The following CCDC91 variants were observed in gnomAD, a reference collection of about 807,000 sequenced individuals.
CCDC91 encodes coiled-coil domain containing 91.
In CCDC91, 48 loss-of-function variants were observed where a neutral mutation model predicts 63.2. That is an observed-to-expected ratio of 0.76 (90% CI 0.60 to 0.97). The LOEUF (loss-of-function observed/expected upper bound fraction) is 0.97, where lower values mean the gene tolerates loss of function less well. CCDC91 is among the 50% of genes least tolerant of loss of function. CCDC91 has a pLI of 0.00. For missense variants in CCDC91, 500 were observed against 494.6 expected, an observed-to-expected ratio of 1.01 and a Z score of -0.10; for synonymous variants, 167 against 165.8, an observed-to-expected ratio of 1.01 and a Z score of -0.06.
At chr12:28,486,593 ATG>A (rs909433670) in intron 12 of CCDC91, among the ~76,000 whole-genome samples, 1 of 152,122 alleles carries the variant, frequency 6.6e-6, no homozygotes, top group Non-Finnish European at 1.5e-5. Flanking sequence ...AAAGGGAGTT[ATG>A]TGGCTACCAT....
chr12:28,254,018 T>A (rs1179723450), intron 1 of CCDC91, among the ~76,000 whole-genome samples: 1 of 152,248 alleles, frequency 6.6e-6, no homozygotes, highest in Non-Finnish European at 1.5e-5. Context: ...CCTTAACTGA[T>A]ACAGAATTGC....
intron 12 of CCDC91, among the ~76,000 whole-genome samples, chr12:28,539,147 A>G (rs1259185175): frequency 4.6e-5 from 7 of 152,094 alleles, no homozygotes; most frequent in Non-Finnish European, 7.4e-5. Flanking sequence ...TTTTGTTGCC[A>G]TTGCTTTTGG....
At chr12:28,444,083 A>C (rs1460744047) in intron 8 of CCDC91, among the ~76,000 whole-genome samples, 5 of 152,136 alleles carry the variant, frequency 3.3e-5, no homozygotes, top group Non-Finnish European at 5.9e-5. Context: ...TTATTTAACA[A>C]ACTGAATGAT....
intron 8 of CCDC91, among the ~76,000 whole-genome samples, chr12:28,422,058 G>A (rs1335244212): frequency 2.6e-5 from 4 of 151,992 alleles, no homozygotes; most frequent in East Asian, 1.9e-4. Flanking sequence ...TCTTTGAAAC[G>A]GTGGAAACCT....
intron 8 of CCDC91, among the ~76,000 whole-genome samples, chr12:28,442,692 G>A (rs1345315388): frequency 6.6e-6 from 1 of 152,094 alleles, no homozygotes; most frequent in African/African-American, 2.4e-5. Context: ...ATAAACTCTT[G>A]AGTGAGTATT....
intron 3 of CCDC91, among the ~76,000 whole-genome samples, chr12:28,273,001 C>CCCT (rs1947892050): frequency 7.0e-6 from 1 of 142,040 alleles, no homozygotes; most frequent in African/African-American, 2.6e-5. Context: ...CCCCCCACCC[C>CCCT]ACAACAGGCC....
At chr12:28,386,872 G>A (rs527307634) in intron 7 of CCDC91, among the ~76,000 whole-genome samples, 47 of 152,256 alleles carry the variant, frequency 3.1e-4, no homozygotes, top group African/African-American at 1.1e-3. Context: ...TATACTGTGA[G>A]AGTCTTAATG....
rs1288129424 is a variant in CCDC91 at position 28,533,482 on chromosome 12, G to A, written c.1216-15581G>A. Among the ~76,000 whole-genome samples, 3 of 151,760 alleles carry A rather than the reference G, an allele frequency of 2.0e-5. No individual in the cohort carries two copies. In the East Asian group the frequency reaches 5.8e-4, roughly 29 times the overall value. On this transcript the variant is annotated intron_variant, in intron 12 of 12. Coordinates refer to ENST00000536442, the MANE Select transcript of CCDC91 (RefSeq NM_018318.5). Reference sequence around the variant, plus strand: ...ACTAACTTTTGTGGTTTTGACTATCGAGTAATTAATGATTAAGTAATTTTG... The same window carrying A: ...ACTAACTTTTGTGGTTTTGACTATCAAGTAATTAATGATTAAGTAATTTTG...
At chr12:28,419,441 G>A (rs1284830613) in intron 8 of CCDC91, among the ~76,000 whole-genome samples, 1 of 151,932 alleles carries the variant, frequency 6.6e-6, no homozygotes, top group African/African-American at 2.4e-5. Flanking sequence ...TTACTTATAA[G>A]AGTCATAAAA....
At chr12:28,267,722 T>TA (rs1264615379) in intron 3 of CCDC91, among the ~76,000 whole-genome samples, 3 of 63,832 alleles carry the variant, frequency 4.7e-5, no homozygotes, top group Non-Finnish European at 5.9e-5. Flanking sequence ...TAATTATATA[T>TA]ATTATTTATT....
intron 3 of CCDC91, among the ~76,000 whole-genome samples, chr12:28,265,494 T>G (rs544203932): frequency 8.5e-5 from 13 of 152,140 alleles, no homozygotes; most frequent in African/African-American, 3.1e-4. Flanking sequence ...TCTCAAGACA[T>G]TGGCAGAGAG....
In CCDC91 at chr12:28,376,400, T is replaced by C. The variant is rs529075486; in HGVS notation, c.654+13885T>C. ...ACCAAATGAGTGTATGATGGACTGC[T>C]GTTTTTAATACTTAAGAAAAAAGTG... On this transcript the variant is annotated intron_variant, in intron 7 of 12. Coordinates refer to ENST00000536442, the MANE Select transcript of CCDC91 (RefSeq NM_018318.5). 8.6e-5 allele frequency among the ~76,000 whole-genome samples: 13 copies of C among 151,966 alleles called. No homozygotes were observed. The South Asian group carries it at 2.1e-3, about 24-fold the overall frequency.
intron 1 of CCDC91, among the ~76,000 whole-genome samples, chr12:28,204,213 G>C (rs1202968292): frequency 3.9e-5 from 6 of 152,076 alleles, no homozygotes; most frequent in African/African-American, 1.4e-4. Context: ...AAGAACATGG[G>C]GTTAAAATGT....
chr12:28,419,082 T>A lies in CCDC91; in HGVS notation c.762+27671T>A, dbSNP rs1247256606. Among the ~76,000 whole-genome samples the A allele has an allele frequency of 2.6e-5, 4 of 152,180 alleles. No individual in the cohort carries two copies. In the East Asian group the frequency reaches 7.7e-4, roughly 29 times the overall value. ...TCTACGGGAAAAACAAGCATTTTTT[T>A]ACATATGTTTTATACCAAACCCTGG... is the stretch of plus-strand genomic sequence containing the variant. On this transcript the variant is annotated intron_variant, in intron 8 of 12. Transcript: ENST00000536442.
chr12:28,262,555 T>C (rs1946896680), intron 3 of CCDC91, among the ~76,000 whole-genome samples: 1 of 151,998 alleles, frequency 6.6e-6, no homozygotes, highest in South Asian at 2.1e-4. Flanking sequence ...TGTCAATGGG[T>C]TGAGGTGCCT....
At chr12:28,335,594 G>C (rs1304917305) in intron 6 of CCDC91, among the ~76,000 whole-genome samples, 2 of 151,188 alleles carry the variant, frequency 1.3e-5, no homozygotes, top group Non-Finnish European at 2.9e-5. Flanking sequence ...TTTTTGTAGA[G>C]ACTGAGCTTC....
chr12:28,259,413 C>T lies in CCDC91; in HGVS notation c.80C>T (p.Pro27Leu), dbSNP rs771925344. The T allele has an allele frequency of 5.6e-6, 9 of 1,610,116 alleles. No homozygotes were observed. The East Asian group carries it at 8.9e-5, about 16-fold the overall frequency. Residue 27 changes from proline to leucine, a missense_variant, in exon 3 of 13, where the codon CCT (proline) becomes CTT (leucine). Coordinates refer to ENST00000536442, the MANE Select transcript of CCDC91 (RefSeq NM_018318.5). ...GGSGETQTTSPAIPWAAFPAV... is the reference protein window; with the variant it reads ...GGSGETQTTSLAIPWAAFPAV... ...AGTGGTGAAACCCAAACAACATCTCCTGCTATTCCTTGGGCTGCCTTTCCT... is the reference window on the plus strand; with the variant it reads ...AGTGGTGAAACCCAAACAACATCTCTTGCTATTCCTTGGGCTGCCTTTCCT...
At chr12:28,468,715 G>A (rs1327385193) in intron 11 of CCDC91, among the ~76,000 whole-genome samples, 5 of 151,912 alleles carry the variant, frequency 3.3e-5, no homozygotes, top group African/African-American at 7.2e-5. Context: ...ACCAAATTCA[G>A]CAGTATATTA....
At chr12:28,338,638 CAA>C (rs1942185355) in intron 6 of CCDC91, among the ~76,000 whole-genome samples, 1 of 151,732 alleles carries the variant, frequency 6.6e-6, no homozygotes, top group East Asian at 1.9e-4. Context: ...CTATTTTAAA[CAA>C]GAGTGCCATG....
Sources: gnomAD v4.1 joint callset for allele counts (sites outside exome capture counted in the v4.1 genomes callset) on GRCh38, gnomAD v4.1.1 for gene constraint, MANE v1.5 for transcripts, NCBI Gene and HGNC (gene_info 2026-07-23, HGNC 2026-07-21) for gene names.